The following NOTCH2NLB variants were observed in gnomAD, a reference collection of about 807,000 sequenced individuals.
NOTCH2NLB encodes notch homolog 2 N-terminal-like protein B.
A neutral mutation model predicts 14.8 loss-of-function variants in NOTCH2NLB; 1 was observed. That is an observed-to-expected ratio of 0.07 (90% confidence interval 0.02 to 0.32). The LOEUF is 0.32. NOTCH2NLB is among the 10% of genes least tolerant of loss of function. NOTCH2NLB has a pLI of 1.00. For synonymous variants in NOTCH2NLB, 6 were observed against 57.5 expected, an observed-to-expected ratio of 0.10 and a Z score of 4.05; for missense variants, 11 against 155.0, an observed-to-expected ratio of 0.07 and a Z score of 4.93.
chr1:148,620,997 GCA>G, intron 2 of NOTCH2NLB, among the ~76,000 whole-genome samples: 1 of 147,692 alleles, frequency 6.8e-6, no homozygotes, highest in South Asian at 2.2e-4. Context: ...ACACTATCCA[GCA>G]CATAGTAAAC....
intron 1 of NOTCH2NLB, among the ~76,000 whole-genome samples, chr1:148,670,663 T>C (rs1323560099): frequency 7.9e-6 from 1 of 126,192 alleles, no homozygotes; most frequent in African/African-American, 2.7e-5. Context: ...ATTGTGGACA[T>C]TTTATTTATG....
At chr1:148,608,117 A>G (rs1663562694) in intron 3 of NOTCH2NLB, among the ~76,000 whole-genome samples, 1 of 135,944 alleles carries the variant, frequency 7.4e-6, no homozygotes, top group South Asian at 2.3e-4. Flanking sequence ...GGCCAGGAGC[A>G]GTGGCTCACA....
chr1:148,605,428 C>A (rs1357076417), downstream of NOTCH2NLB, among the ~76,000 whole-genome samples: 9 of 144,120 alleles, frequency 6.2e-5, 1 homozygote, highest in Non-Finnish European at 1.4e-4. Flanking sequence ...TCATGCTAAT[C>A]TCCCCTCCCA....
chr1:148,651,146 A>G (rs1240147078), intron 1 of NOTCH2NLB, among the ~76,000 whole-genome samples: 4 of 69,450 alleles, frequency 5.8e-5, no homozygotes, highest in South Asian at 5.1e-4. Flanking sequence ...CTGCCTGAGA[A>G]AAAAAAAAAA....
intron 1 of NOTCH2NLB, among the ~76,000 whole-genome samples, chr1:148,649,706 G>A (rs1252971915): frequency 6.8e-6 from 1 of 147,492 alleles, no homozygotes; most frequent in Non-Finnish European, 1.5e-5. Flanking sequence ...TAGAGACAGG[G>A]TTTCACCGTG....
At chr1:148,638,329 T>A (rs1664263197) in intron 2 of NOTCH2NLB, among the ~76,000 whole-genome samples, 1 of 149,132 alleles carries the variant, frequency 6.7e-6, no homozygotes. Flanking sequence ...ATGCAAAAAA[T>A]GCATAAGACT....
intron 2 of NOTCH2NLB, among the ~76,000 whole-genome samples, chr1:148,633,474 A>ACCCGGGAGGCGGAGCTTGCAGTGAG (rs1664154673): frequency 1.4e-5 from 1 of 70,936 alleles, no homozygotes; most frequent in Non-Finnish European, 2.5e-5. Context: ...AATGGCATGA[A>ACCCGGGAGGCGGAGCTTGCAGTGAG]CCCGGGAGGC....
At chr1:148,693,092 C>A in the NOTCH2NLB span, among the ~76,000 whole-genome samples, 3 of 108,306 alleles carry the variant, frequency 2.8e-5, no homozygotes, top group Non-Finnish European at 5.2e-5. Context: ...AGAGCCGCCC[C>A]CCCCCCCCCA....
chr1:148,679,732 G>A lies in NOTCH2NLB; in HGVS notation c.-268C>T, dbSNP rs1376929154. The A allele has an allele frequency of 5.1e-6, 5 of 985,426 alleles. 2 individuals carry two copies. The South Asian group carries it at 1.0e-4, about 20-fold the overall frequency. 61.0% of individuals were successfully genotyped at this position (985,426 alleles called of 1,614,324 possible). A position where few individuals can be genotyped will look rare whatever the true frequency, so the allele number is the denominator to read the frequency against. Reference sequence around the variant, plus strand: ...CCGCTCCTCGGCCGCCGCCTCAGCCGCCCGAAGTTTGGCTGAAACTTTCTC... The same window carrying A: ...CCGCTCCTCGGCCGCCGCCTCAGCCACCCGAAGTTTGGCTGAAACTTTCTC... On this transcript the variant is annotated 5_prime_UTR_variant, in exon 1 of 5. Coordinates refer to ENST00000593495, the Ensembl canonical transcript of NOTCH2NLB.
At position 148,610,913 on chromosome 1, in the gene NOTCH2NLB, A is replaced by G. The variant is rs1209386449; in HGVS notation, c.338-3168T>C. ...ATCTCAAAAAAAAAAAAAAAAAAAA[A>G]GGTGATCAGAATCTTGCAGAACACA... is the stretch of plus-strand genomic sequence containing the variant. On this transcript the variant is annotated intron_variant, in intron 3 of 4. Transcript: ENST00000593495. Among the ~76,000 whole-genome samples the G allele has an allele frequency of 3.4e-3, 296 of 88,186 alleles. 5 individuals carry two copies. The highest frequency in any genetic ancestry group is 5.1e-3 in the Admixed American group (45 of 8,846). The allele number at this position is 88,186 out of a possible 152,430, so 57.9% of individuals were successfully genotyped here. A position where few individuals can be genotyped will look rare whatever the true frequency, so the allele number is the denominator to read the frequency against.
chr1:148,602,278 AAAG>A (rs1452446391), downstream of NOTCH2NLB, among the ~76,000 whole-genome samples: 5 of 58,056 alleles, frequency 8.6e-5, no homozygotes, highest in African/African-American at 4.2e-4. Context: ...AAAAAAAAAA[AAAG>A]AAAAGAAAAG....
At chr1:148,712,438 TG>T in the NOTCH2NLB span, among the ~76,000 whole-genome samples, 1 of 152,264 alleles carries the variant, frequency 6.6e-6, no homozygotes, top group Non-Finnish European at 1.5e-5. Context: ...CAGCTGCATT[TG>T]GCTGGGCTTT....
intron 2 of NOTCH2NLB, among the ~76,000 whole-genome samples, chr1:148,625,568 C>A (rs1306198511): frequency 8.8e-6 from 1 of 113,150 alleles, no homozygotes. Flanking sequence ...CATTAAAGCT[C>A]CTCTTTACTC....
exon 4 of NOTCH2NLB, chr1:148,607,532 AGGCACT>A: frequency 6.4e-7 from 1 of 1,565,188 alleles, no homozygotes; most frequent in Non-Finnish European, 8.7e-7. Flanking sequence ...GAAGCCCTGA[AGGCACT>A]GGCACTGGTA....
At chr1:148,651,155 AAAAAAAAATATAT>A (rs1185703219) in intron 1 of NOTCH2NLB, among the ~76,000 whole-genome samples, 24 of 87,220 alleles carry the variant, frequency 2.8e-4, no homozygotes, top group East Asian at 2.2e-3. Flanking sequence ...AAAAAAAAAA[AAAAAAAAATATAT>A]ATATATATAT....
intron 2 of NOTCH2NLB, among the ~76,000 whole-genome samples, chr1:148,637,514 A>C (rs1204329430): frequency 6.8e-6 from 1 of 146,410 alleles, no homozygotes; most frequent in South Asian, 2.2e-4. Context: ...ATGATCTTCA[A>C]ATAGAACCAA....
chr1:148,633,379 C>T (rs1336961567), intron 2 of NOTCH2NLB, among the ~76,000 whole-genome samples: 1 of 100,214 alleles, frequency 1.0e-5, no homozygotes, highest in African/African-American at 5.3e-5. Context: ...CAGTGAAACC[C>T]CGTCTCTACT....
chr1:148,625,316 C>A (rs1486793861), intron 2 of NOTCH2NLB, among the ~76,000 whole-genome samples: 1 of 66,308 alleles, frequency 1.5e-5, no homozygotes, highest in Non-Finnish European at 2.7e-5. Context: ...GCATCCAGGG[C>A]TTTGCTGCAG....
At chr1:148,648,240 GA>G (rs1664415902) in intron 1 of NOTCH2NLB, among the ~76,000 whole-genome samples, 3 of 80,542 alleles carry the variant, frequency 3.7e-5, no homozygotes, top group Non-Finnish European at 5.0e-5. Context: ...AAAGACTTCA[GA>G]AAAAAATTCA....
Sources: gnomAD v4.1 joint callset for allele counts (sites outside exome capture counted in the v4.1 genomes callset) on GRCh38, gnomAD v4.1.1 for gene constraint, MANE v1.5 for transcripts, NCBI Gene and HGNC (gene_info 2026-07-23, HGNC 2026-07-21) for gene names.